Variants in UGT1A5 observed in about 807,000 individuals in gnomAD.
The protein encoded by UGT1A5 is UDP-glucuronosyltransferase 1A5.
UGT1A5 carries 29 observed loss-of-function variants against 40.3 expected under a neutral mutation model. The observed-to-expected ratio is 0.72, with a 90% CI of 0.54 to 0.98. The LOEUF (loss-of-function observed/expected upper bound fraction) is 0.98, where lower values mean the gene tolerates loss of function less well. UGT1A5 is among the 50% of genes least tolerant of loss of function. The pLI, the probability that UGT1A5 is intolerant of heterozygous loss-of-function variation, is 0.00. For synonymous variants in UGT1A5, 257 were observed against 262.5 expected, an observed-to-expected ratio of 0.98 and a Z score of 0.20; for missense variants, 678 against 677.9, an observed-to-expected ratio of 1.00 and a Z score of 0.00.
chr2:233,760,301 C>A (rs1697391714), intron 1 of UGT1A5: 1 of 1,613,532 alleles, frequency 6.2e-7, no homozygotes, highest in South Asian at 1.1e-5. Flanking sequence ...GCTGTGGAGT[C>A]CCAGGGCGGA....
chr2:233,772,094 C>G (rs995748491), intron 4 of UGT1A5, among the ~76,000 whole-genome samples, 168 bp from the exon 5 acceptor site: 7 of 152,164 alleles, frequency 4.6e-5, no homozygotes, highest in Admixed American at 3.9e-4. Context: ...GCCCGGGCAA[C>G]AGGGCAAGAC....
At position 233,769,453 on chromosome 2, in the gene UGT1A5, GCATT is replaced by G; in HGVS notation, c.1307+1018_1307+1021del. The G allele has an allele frequency of 6.3e-7, 1 of 1,591,058 alleles. No homozygotes were observed. Among genetic ancestry groups the G allele is most frequent in the Non-Finnish European group, 8.6e-7 (1 of 1,161,716 alleles). Reference sequence around the variant, plus strand: ...TGCTCATGTGTGGGTGCACACGTGTGCATTCATATGCGTGTGTGTGTGTGTGCGT... The same window carrying G: ...TGCTCATGTGTGGGTGCACACGTGTGCATATGCGTGTGTGTGTGTGTGCGT... On this transcript the variant is annotated intron_variant, in intron 4 of 4. Coordinates refer to ENST00000373414, the MANE Select transcript of UGT1A5 (RefSeq NM_019078.2). This position sits in a 1 kb window ranked among gnomAD's most constrained non-coding sequence, Gnocchi z 4.4.
At chr2:233,719,401 T>C in intron 1 of UGT1A5, 3 of 1,614,018 alleles carry the variant, frequency 1.9e-6, no homozygotes, top group South Asian at 1.1e-5. Context: ...TCCTCCTATA[T>C]TCCTAAGTTA....
At position 233,772,405 on chromosome 2, in the gene UGT1A5, G is replaced by T. The variant is rs1176419046; in HGVS notation, c.1451G>T (p.Trp484Leu). Residue 484 changes from tryptophan to leucine, a missense_variant, in exon 5 of 5, where the codon TGG (tryptophan) becomes TTG (leucine). Coordinates refer to ENST00000373414, the MANE Select transcript of UGT1A5 (RefSeq NM_019078.2). ...CGCCCCGCAGCCCACGACCTCACCT[G>T]GTACCAGTACCATTCCTTGGACGTG... ...HLRPAAHDLTWYQYHSLDVIG... is the reference protein window; with the variant it reads ...HLRPAAHDLTLYQYHSLDVIG... 1.2e-6 allele frequency: 2 copies of T among 1,614,224 alleles called. No individual in the cohort carries two copies. Among genetic ancestry groups the T allele is most frequent in the South Asian group, 1.1e-5 (1 of 91,090 alleles).
At chr2:233,762,334 T>A (rs2125997251) in intron 1 of UGT1A5, among the ~76,000 whole-genome samples, 1 of 152,328 alleles carries the variant, frequency 6.6e-6, no homozygotes, top group Middle Eastern at 3.4e-3. Context: ...CCACAATAGC[T>A]CTTTTTAGTT....
At chr2:233,755,289 T>G in intron 1 of UGT1A5, 1 of 651,342 alleles carries the variant, frequency 1.5e-6, no homozygotes, top group East Asian at 5.8e-5. Flanking sequence ...CCAAAGAGCC[T>G]GCGGGGCACT....
At chr2:233,730,685 C>T (rs917184684) in intron 1 of UGT1A5, among the ~76,000 whole-genome samples, 1 of 152,042 alleles carries the variant, frequency 6.6e-6, no homozygotes, top group Admixed American at 6.6e-5. Flanking sequence ...GGTTGCATCT[C>T]AAATGATTCT....
chr2:233,755,611 T>C (rs1176906643), intron 1 of UGT1A5: 1 of 158,924 alleles, frequency 6.3e-6, no homozygotes, highest in African/African-American at 2.4e-5. Flanking sequence ...AGAACTGTTT[T>C]TCTTAAAGTA....
At chr2:233,739,315 GAGA>G (rs1462380897) in intron 1 of UGT1A5, among the ~76,000 whole-genome samples, 27 of 152,314 alleles carry the variant, frequency 1.8e-4, no homozygotes, top group African/African-American at 5.5e-4. Context: ...GTGGAGTTGT[GAGA>G]AGAAGGCCAC....
rs192713031 is a variant in UGT1A5 at position 233,755,438 on chromosome 2, C to G, written c.868-11596C>G. ...TGTGAGCGCCTCGCATCCCAAGATG[C>G]AGTGCTCCTGGGACTGGCCCTGCTC... On this transcript the variant is annotated intron_variant, in intron 1 of 4. Transcript: ENST00000373414. 453 of 315,884 alleles carry G rather than the reference C, an allele frequency of 1.4e-3. 2 individuals carry two copies. The highest frequency in any genetic ancestry group is 7.9e-3 in the African/African-American group (362 of 46,082). The allele number at this position is 315,884 out of a possible 1,614,324, so 19.6% of individuals were successfully genotyped here.
chr2:233,754,416 A>G, intron 1 of UGT1A5: 1 of 342,596 alleles, frequency 2.9e-6, no homozygotes, highest in South Asian at 2.4e-5. Flanking sequence ...AACAATAAAG[A>G]CAGGCATTGG....
At chr2:233,724,697 C>T (rs1320609945) in intron 1 of UGT1A5, among the ~76,000 whole-genome samples, 4 of 144,998 alleles carry the variant, frequency 2.8e-5, no homozygotes, top group East Asian at 2.2e-4. Context: ...CGGGTGAAGA[C>T]GCTCCTCGCT....
At position 233,755,083 on chromosome 2, in the gene UGT1A5, C is replaced by T. The variant is rs755765570; in HGVS notation, c.868-11951C>T. ...GCCTCGCCATAGCGGTCATAGATAT[C>T]GCGTTTCTACGCGTCCGACAACACC... On this transcript the variant is annotated intron_variant, in intron 1 of 4. Transcript: ENST00000373414. The T allele has an allele frequency of 3.0e-6, 4 of 1,335,262 alleles. No individual in the cohort carries two copies. In the South Asian group the frequency reaches 3.4e-5, roughly 11 times the overall value. 82.7% of individuals were successfully genotyped at this position (1,335,262 alleles called of 1,614,324 possible). A position where few individuals can be genotyped will look rare whatever the true frequency, so the allele number is the denominator to read the frequency against.
At chr2:233,736,303 A>T (rs1206412550) in intron 1 of UGT1A5, among the ~76,000 whole-genome samples, 2 of 152,062 alleles carry the variant, frequency 1.3e-5, no homozygotes, top group Non-Finnish European at 2.9e-5. Context: ...TGCTCTAATC[A>T]GCTATTGAAT....
intron 1 of UGT1A5, chr2:233,742,614 C>T (rs1692039877): frequency 6.6e-6 from 1 of 151,940 alleles, no homozygotes; most frequent in Admixed American, 6.5e-5. Context: ...TGGAGAACCA[C>T]GTTCAGGCTG....
chr2:233,764,196 C>T (rs923801635), intron 1 of UGT1A5, among the ~76,000 whole-genome samples: 7 of 152,120 alleles, frequency 4.6e-5, no homozygotes, highest in African/African-American at 1.7e-4. Flanking sequence ...TCAGGGGCAT[C>T]TCATCTTTTC....
intron 1 of UGT1A5, chr2:233,718,719 G>C: frequency 6.2e-7 from 1 of 1,609,316 alleles, no homozygotes; most frequent in Admixed American, 1.7e-5. Context: ...ATTACATGCT[G>C]ATTTGCTAGG....
At chr2:233,770,794 T>A (rs1195503821) in intron 4 of UGT1A5, 2 of 152,196 alleles carry the variant, frequency 1.3e-5, no homozygotes, top group Non-Finnish European at 2.9e-5. Flanking sequence ...ATTATAGATA[T>A]GTTTAAAGAC....
rs767732319 is a variant in UGT1A5, at chr2:233,772,468, T to A, written c.1514T>A (p.Phe505Tyr). ...FLLAVVLTVA[F>Y]ITFKCCAYGY... Reference sequence around the variant, plus strand: ...TTGGCCGTCGTGCTGACAGTGGCCTTCATCACCTTTAAATGTTGTGCTTAT... The same window carrying A: ...TTGGCCGTCGTGCTGACAGTGGCCTACATCACCTTTAAATGTTGTGCTTAT... The change falls in exon 5 of 5, where the codon TTC (phenylalanine) becomes TAC (tyrosine). Residue 505 changes from phenylalanine (F) to tyrosine (Y), a missense_variant. Physicochemically the swap from Phe to Tyr is conservative, Grantham distance 22. Transcript: ENST00000373414. The A allele has an allele frequency of 3.7e-6, 6 of 1,614,162 alleles. No homozygotes were observed. In the South Asian group the frequency reaches 6.6e-5, roughly 18 times the overall value.
Sources: gnomAD v4.1 joint callset for allele counts (sites outside exome capture counted in the v4.1 genomes callset) on GRCh38, gnomAD v4.1.1 for gene constraint, Gnocchi (gnomAD v3.1) non-coding constraint, MANE v1.5 for transcripts, NCBI Gene and HGNC (gene_info 2026-07-23, HGNC 2026-07-21) for gene names.